Variants in GTF3C2 observed in about 807,000 individuals in gnomAD.
GTF3C2 encodes the protein general transcription factor 3C polypeptide 2.
GTF3C2 carries 17 observed loss-of-function variants against 117.4 expected under a neutral mutation model. The observed-to-expected ratio is 0.14, with a 90% CI of 0.10 to 0.22. The LOEUF (loss-of-function observed/expected upper bound fraction) is 0.22. Among genes scored for constraint, GTF3C2 ranks in the 10% least tolerant of loss-of-function variants. The pLI, the probability that GTF3C2 is intolerant of heterozygous loss-of-function variation, is 1.00. For missense variants in GTF3C2, 888 were observed against 1,143.6 expected, an observed-to-expected ratio of 0.78 and a Z score of 3.22; for synonymous variants, 437 against 427.0, an observed-to-expected ratio of 1.02 and a Z score of -0.29.
At chr2:27,334,213 T>C (rs78100964) in intron 10 of GTF3C2, among the ~76,000 whole-genome samples, 1 of 151,690 alleles carries the variant, frequency 6.6e-6, no homozygotes, top group Non-Finnish European at 1.5e-5. Context: ...TTTTTTTTTT[T>C]CCTTTAGACC....
At chr2:27,331,691 A>G (rs947298318) in intron 12 of GTF3C2, among the ~76,000 whole-genome samples, 1 of 152,106 alleles carries the variant, frequency 6.6e-6, no homozygotes, top group African/African-American at 2.4e-5. Context: ...TAATCCCAGC[A>G]CTTTAGGAGG....
intron 1 of GTF3C2, among the ~76,000 whole-genome samples, chr2:27,355,244 C>T (rs1044486114): frequency 1.1e-4 from 17 of 152,118 alleles, no homozygotes; most frequent in Admixed American, 3.9e-4. Flanking sequence ...TTTGCCTGGC[C>T]GGGCACGGTG....
rs140469953 is a variant in GTF3C2 at position 27,343,035 on chromosome 2, T to G, written c.360A>C (p.Pro120=). Residue 120 remains proline, a synonymous_variant, in exon 3 of 19, where the codon CCA becomes CCC. Coordinates refer to ENST00000264720, the Ensembl canonical transcript of GTF3C2. ...AGAGACCAGGAACCAGTGGGGCTGA[T>G]GGAGGATTAGGCTGTTGGGGCCTTT... 516 of 1,614,128 alleles carry G rather than the reference T, an allele frequency of 3.2e-4. 2 individuals are homozygous for G. The African/African-American group carries it at 6.3e-3, about 20-fold the overall frequency.
chr2:27,330,410 C>A (rs561837652), intron 12 of GTF3C2, among the ~76,000 whole-genome samples: 1 of 150,676 alleles, frequency 6.6e-6, no homozygotes, highest in African/African-American at 2.4e-5. Context: ...TGCAGTAAGC[C>A]GAGATCACGC....
chr2:27,340,986 T>G (rs1680708026), intron 4 of GTF3C2, among the ~76,000 whole-genome samples: 1 of 152,104 alleles, frequency 6.6e-6, no homozygotes, highest in South Asian at 2.1e-4. Flanking sequence ...TTTTTCTACT[T>G]AAAAATGTTT....
intron 1 of GTF3C2, among the ~76,000 whole-genome samples, chr2:27,346,658 C>A (rs186654728): frequency 1.4e-3 from 217 of 152,002 alleles, no homozygotes; most frequent in African/African-American, 5.0e-3. Context: ...CAGGCATAAA[C>A]CACTATGCCT....
At chr2:27,335,668 G>C (rs200946262) in exon 10 of GTF3C2, 1 of 1,562,720 alleles carries the variant, frequency 6.4e-7, no homozygotes. Context: ...CGTCTGAGCA[G>C]GCCAGAGCCA....
chr2:27,338,124 C>A, intron 4 of GTF3C2, 104 bp from the exon 5 acceptor site: 1 of 761,916 alleles, frequency 1.3e-6, no homozygotes, highest in South Asian at 1.4e-5. Flanking sequence ...GCAATACCTC[C>A]CCCTCCAATC....
In GTF3C2 at chr2:27,338,314, C is replaced by A. The variant is rs556567124; in HGVS notation, c.856-294G>T. ...CTTATGCCTCTTTGAAACTCCCGCC[C>A]TATGGAATAGTCTCCCTTACTCCTC... On this transcript the variant is annotated intron_variant, in intron 4 of 18. Coordinates refer to ENST00000264720, the Ensembl canonical transcript of GTF3C2. The A allele has an allele frequency of 1.1e-5, 4 of 377,312 alleles. No homozygotes were observed. The East Asian group carries it at 2.4e-4, about 22-fold the overall frequency. 23.4% of individuals were successfully genotyped at this position (377,312 alleles called of 1,614,324 possible).
intron 3 of GTF3C2, chr2:27,342,625 A>G: frequency 1.7e-6 from 1 of 589,728 alleles, no homozygotes; most frequent in Non-Finnish European, 3.0e-6. Context: ...AGTACAGACA[A>G]TAATTCTTAG....
chr2:27,327,056 G>A (rs1374400219), intron 18 of GTF3C2, 121 bp downstream of exon 18: 4 of 678,036 alleles, frequency 5.9e-6, no homozygotes, highest in Non-Finnish European at 7.7e-6. Context: ...AGGTACGTCT[G>A]TCATGCTCTG....
In GTF3C2 at chr2:27,354,657, A is replaced by G. The variant is rs151264271; in HGVS notation, c.-25+2082T>C. ...GTAATCCCATCTACTCGGGAGGCTG[A>G]GACAGGAGAATCACTTGAACCCAAG... On this transcript the variant is annotated intron_variant, in intron 1 of 18. Transcript: ENST00000264720. Among the ~76,000 whole-genome samples, 76 of 152,204 alleles carry G rather than the reference A, an allele frequency of 5.0e-4. 2 individuals carry two copies. The highest frequency in any genetic ancestry group is 1.7e-3 in the African/African-American group (71 of 41,536).
intron 17 of GTF3C2, 50 bp from the exon 18 acceptor site, chr2:27,327,334 T>G (rs1223714842): frequency 2.0e-6 from 2 of 1,010,198 alleles, no homozygotes; most frequent in Non-Finnish European, 3.1e-6. Flanking sequence ...GCTCGTTTGT[T>G]TTTTTTAAGA....
At chr2:27,344,587 A>G (rs1348497148) in intron 1 of GTF3C2, among the ~76,000 whole-genome samples, 1 of 152,192 alleles carries the variant, frequency 6.6e-6, no homozygotes, top group South Asian at 2.1e-4. Flanking sequence ...TATACTACAA[A>G]AAAGAGCTGC....
At chr2:27,344,910 A>T (rs1364841206) in intron 1 of GTF3C2, among the ~76,000 whole-genome samples, 3 of 152,024 alleles carry the variant, frequency 2.0e-5, no homozygotes, top group Non-Finnish European at 4.4e-5. Context: ...GCTTGAGCCT[A>T]GGAGTTCGAG....
intron 1 of GTF3C2, among the ~76,000 whole-genome samples, chr2:27,349,096 C>T (rs1351904311): frequency 1.5e-4 from 22 of 150,796 alleles, no homozygotes; most frequent in East Asian, 2.0e-4. Flanking sequence ...CTTGGCCTCC[C>T]AAAGTGCTGG....
chr2:27,353,990 T>C (rs1327982767), intron 1 of GTF3C2, among the ~76,000 whole-genome samples: 1 of 147,890 alleles, frequency 6.8e-6, no homozygotes, highest in African/African-American at 2.5e-5. Context: ...TCCAAAGTGC[T>C]AGGATTACAG....
exon 18 of GTF3C2, chr2:27,327,266 G>T: frequency 6.3e-7 from 1 of 1,594,642 alleles, no homozygotes; most frequent in Non-Finnish European, 8.6e-7. Flanking sequence ...TCTCTACGGA[G>T]CAGATCATGG....
rs372344913 is a variant in GTF3C2, at chr2:27,328,375, C to T, written c.2256+93G>A. ...CTAAGATTTTCTGGGATATCAGGGC[C>T]GGGAGACCTGACACTAGTTTGTACT... On this transcript the variant is annotated intron_variant, in intron 16 of 18. Transcript: ENST00000264720. The T allele has an allele frequency of 6.3e-5, 84 of 1,332,522 alleles. No individual in the cohort carries two copies. The East Asian group carries it at 1.4e-3, about 22-fold the overall frequency. 82.5% of individuals were successfully genotyped at this position (1,332,522 alleles called of 1,614,324 possible). A position where few individuals can be genotyped will look rare whatever the true frequency, so the allele number is the denominator to read the frequency against.
Sources: allele counts gnomAD v4.1 joint callset (sites outside exome capture counted in the v4.1 genomes callset), GRCh38; gene constraint gnomAD v4.1.1; transcripts MANE v1.5; gene names NCBI Gene and HGNC (gene_info 2026-07-23, HGNC 2026-07-21).